Variants in DCP2 observed in about 807,000 individuals in gnomAD.
The protein encoded by DCP2 is decapping mRNA 2, also known as m7GpppN-mRNA hydrolase.
A neutral mutation model predicts 56.1 loss-of-function variants in DCP2; 30 were observed. The observed-to-expected ratio is 0.53, with a 90% CI of 0.40 to 0.73. The LOEUF (loss-of-function observed/expected upper bound fraction) is 0.73, where lower values mean the gene tolerates loss of function less well. Ranked by LOEUF, DCP2 falls within the 30% of genes least tolerant of loss-of-function variation. The probability of loss-of-function intolerance (pLI) is 0.00; values close to 1 mark genes in which losing one functional copy is unlikely to be tolerated. For missense variants in DCP2, 533 were observed against 502.7 expected (o/e 1.06, Z -0.58); for synonymous variants, 197 against 163.3 (o/e 1.21, Z -1.57).
chr5:112,998,382 C>A (rs1399641464), intron 4 of DCP2, among the ~76,000 whole-genome samples: 1 of 152,142 alleles, frequency 6.6e-6, no homozygotes, highest in Non-Finnish European at 1.5e-5. Context: ...AGGCTGCTGT[C>A]CATAACCAAA....
chr5:112,982,175 A>C lies in DCP2; in HGVS notation c.54-3660A>C, dbSNP rs77865304. 2.2e-5 allele frequency among the ~76,000 whole-genome samples: 3 copies of C among 138,118 alleles called. No homozygotes were observed. In the East Asian group the frequency reaches 5.9e-4, roughly 27 times the overall value. 90.6% of individuals were successfully genotyped at this position (138,118 alleles called of 152,430 possible). ...CATTTGGACTATGATTCTGTTGTAC[A>C]TGTACTCCTCTCTAATATGTCCAAA... On this transcript the variant is annotated intron_variant, in intron 1 of 10. Coordinates refer to ENST00000389063, the MANE Select transcript of DCP2 (RefSeq NM_152624.6).
chr5:112,995,310 T>C (rs1216100458), intron 4 of DCP2, among the ~76,000 whole-genome samples: 1 of 152,208 alleles, frequency 6.6e-6, no homozygotes, highest in African/African-American at 2.4e-5. Context: ...TTTCTGTAGA[T>C]GGTAGGAAAT....
At chr5:113,001,005 T>A in intron 4 of DCP2, 79 bp from the exon 5 acceptor site, 2 of 1,370,784 alleles carry the variant, frequency 1.5e-6, no homozygotes, top group Non-Finnish European at 2.0e-6. Flanking sequence ...TTTCTGAGTT[T>A]TTGTCTTGGG....
intron 1 of DCP2, among the ~76,000 whole-genome samples, chr5:112,978,815 T>C (rs1245095017): frequency 3.3e-5 from 5 of 152,218 alleles, no homozygotes; most frequent in African/African-American, 1.2e-4. Flanking sequence ...TTTATGCATT[T>C]TATAGTTAGA....
intron 2 of DCP2, 132 bp from the exon 3 acceptor site, chr5:112,991,989 G>C (rs1225873679): frequency 1.5e-6 from 2 of 1,350,284 alleles, no homozygotes; most frequent in East Asian, 2.5e-5. Flanking sequence ...TGGCCAAAAT[G>C]CTACACTTAA....
chr5:113,008,854 T>G (rs931861507), intron 9 of DCP2, among the ~76,000 whole-genome samples: 1 of 151,948 alleles, frequency 6.6e-6, no homozygotes, highest in Non-Finnish European at 1.5e-5. Flanking sequence ...GATAACTTTT[T>G]TTTTTTTTGA....
intron 1 of DCP2, among the ~76,000 whole-genome samples, chr5:112,978,348 G>C (rs1443982134): frequency 2.0e-5 from 3 of 152,174 alleles, no homozygotes; most frequent in Non-Finnish European, 4.4e-5. Context: ...GCCGTGTTTG[G>C]TAGGTGCAGT....
At chr5:113,010,685 T>A (rs1749644655) in intron 9 of DCP2, 71 bp from the exon 10 acceptor site, 23 of 1,405,676 alleles carry the variant, frequency 1.6e-5, no homozygotes, top group Non-Finnish European at 2.0e-5. Context: ...ATCTTTTGAT[T>A]TTTAATAAGT....
intron 8 of DCP2, among the ~76,000 whole-genome samples, chr5:113,007,142 A>T (rs1749476291): frequency 6.6e-6 from 1 of 152,154 alleles, no homozygotes; most frequent in Non-Finnish European, 1.5e-5. Flanking sequence ...AAAAAAAATA[A>T]TAGTAATCTT....
intron 7 of DCP2, among the ~76,000 whole-genome samples, chr5:113,002,342 A>G (rs1252551381): frequency 6.6e-6 from 1 of 151,624 alleles, no homozygotes; most frequent in Non-Finnish European, 1.5e-5. Flanking sequence ...AGAATGGCTT[A>G]AACCTGGGAG....
At chr5:112,991,253 C>A (rs1045704666) in intron 2 of DCP2, among the ~76,000 whole-genome samples, 1 of 151,920 alleles carries the variant, frequency 6.6e-6, no homozygotes, top group Non-Finnish European at 1.5e-5. Context: ...AATTGAGAAC[C>A]CTTAAAAGTA....
chr5:113,018,626 T>A lies in DCP2; in HGVS notation c.*5142T>A, dbSNP rs1749987664. On this transcript the variant is annotated 3_prime_UTR_variant, in exon 11 of 11. Coordinates refer to ENST00000389063, the MANE Select transcript of DCP2 (RefSeq NM_152624.6). Reference sequence around the variant, plus strand: ...ATGGCCCTGAATATGTGTTTTCTGCTTTTTGGTGGAAGGTTTCCTGCAGGT... The same window carrying A: ...ATGGCCCTGAATATGTGTTTTCTGCATTTTGGTGGAAGGTTTCCTGCAGGT... 6.6e-6 allele frequency: 1 copy of A among 152,220 alleles called. No individual in the cohort carries two copies. Among genetic ancestry groups the A allele is most frequent in the South Asian group, 2.1e-4 (1 of 4,832 alleles). 9.4% of individuals were successfully genotyped at this position (152,220 alleles called of 1,614,324 possible).
At chr5:112,990,519 G>A (rs947826867) in intron 2 of DCP2, among the ~76,000 whole-genome samples, 1 of 152,110 alleles carries the variant, frequency 6.6e-6, no homozygotes, top group Non-Finnish European at 1.5e-5. Context: ...TCATGGAATG[G>A]TTAATGTTGT....
At chr5:113,000,582 T>A (rs550115177) in intron 4 of DCP2, among the ~76,000 whole-genome samples, 4 of 152,300 alleles carry the variant, frequency 2.6e-5, no homozygotes, top group South Asian at 2.1e-4. Flanking sequence ...TCAAAAACAT[T>A]ATTAAGCTCT....
At chr5:113,001,520 T>A in intron 6 of DCP2, 47 bp from the exon 7 acceptor site, 3 of 1,607,766 alleles carry the variant, frequency 1.9e-6, no homozygotes, top group Non-Finnish European at 1.7e-6. Flanking sequence ...ATAGTCATCT[T>A]CTGTCTGTAG....
At position 113,003,988 on chromosome 5, in the gene DCP2, C is replaced by T. The variant is rs1275664225; in HGVS notation, c.853C>T (p.Pro285Ser). The change falls in exon 8 of 11, where the codon CCT (proline) becomes TCT (serine). Residue 285 changes from proline (P) to serine (S), a missense_variant. Coordinates refer to ENST00000389063, the MANE Select transcript of DCP2 (RefSeq NM_152624.6). ...HSQQLFPDGS[P>S]GDQWVKHRQP... ...TCAGCAGTTATTTCCTGACGGTTCT[C>T]CTGGTGACCAGTGGGTAAAGCACAG... The T allele has an allele frequency of 3.1e-6, 5 of 1,613,988 alleles. No homozygotes were observed. Among genetic ancestry groups the T allele is most frequent in the East Asian group, 2.2e-5 (1 of 44,876 alleles).
chr5:113,001,499 T>A, intron 6 of DCP2, 30 bp downstream of exon 6: 1 of 1,609,144 alleles, frequency 6.2e-7, no homozygotes, highest in Non-Finnish European at 8.5e-7. Flanking sequence ...AATGTAACTT[T>A]CATGATTGGG....
chr5:113,003,332 GC>G (rs1749267490), intron 7 of DCP2, among the ~76,000 whole-genome samples: 1 of 152,150 alleles, frequency 6.6e-6, no homozygotes, highest in Non-Finnish European at 1.5e-5. Context: ...ATTATCTTGT[GC>G]CCTTTAATTT....
At chr5:113,005,552 G>A (rs1390814495) in intron 8 of DCP2, among the ~76,000 whole-genome samples, 1 of 152,212 alleles carries the variant, frequency 6.6e-6, no homozygotes, top group Non-Finnish European at 1.5e-5. Flanking sequence ...GTGCATTGCT[G>A]ATGGGAGTGT....
Sources: gnomAD v4.1 joint callset for allele counts (sites outside exome capture counted in the v4.1 genomes callset) on GRCh38, gnomAD v4.1.1 for gene constraint, MANE v1.5 for transcripts, NCBI Gene and HGNC (gene_info 2026-07-23, HGNC 2026-07-21) for gene names.